Variants in SPIB observed in about 807,000 individuals in gnomAD.
The protein encoded by SPIB is Spi-B transcription factor, also known as transcription factor Spi-B.
In SPIB, 7 loss-of-function variants were observed where a neutral mutation model predicts 31.9. That is an observed-to-expected ratio of 0.22 (90% CI 0.12 to 0.41). The LOEUF is 0.41. SPIB is among the 10% of genes least tolerant of loss of function. The probability of loss-of-function intolerance (pLI) is 1.00; values close to 1 mark genes in which losing one functional copy is unlikely to be tolerated. For synonymous variants in SPIB, 176 were observed against 158.9 expected (o/e 1.11, Z -0.81); for missense variants, 327 against 360.2 (o/e 0.91, Z 0.75).
At chr19:50,427,863 C>CA (rs2039585850) in intron 5 of SPIB, among the ~76,000 whole-genome samples, 175 bp from the exon 6 acceptor site, 1 of 102,496 alleles carries the variant, frequency 9.8e-6, no homozygotes, top group South Asian at 4.7e-4. Flanking sequence ...GGCTTGCCCC[C>CA]CCCCCCCCCC....
chr19:50,421,362 C>CA (rs2039491205), intron 2 of SPIB, among the ~76,000 whole-genome samples: 1 of 151,816 alleles, frequency 6.6e-6, no homozygotes, highest in Non-Finnish European at 1.5e-5. Context: ...TTTGCTCTGT[C>CA]GCCGGGCTGG....
intron 2 of SPIB, among the ~76,000 whole-genome samples, chr19:50,420,375 C>T (rs1031250817): frequency 6.6e-6 from 1 of 152,030 alleles, no homozygotes; most frequent in African/African-American, 2.4e-5. Flanking sequence ...CTGTTTATGC[C>T]CCTCCACATT....
chr19:50,422,860 A>G lies in SPIB; in HGVS notation c.162A>G (p.Pro54=). 6.2e-7 allele frequency: 1 copy of G among 1,604,078 alleles called. No homozygotes were observed. Among genetic ancestry groups the G allele is most frequent in the Non-Finnish European group, 8.5e-7 (1 of 1,175,058 alleles). ...ACTGGACTGTGGCCCCACCTGTCCC[A>G]GCCACCCCCTATGAAGCCTTCGACC... ...LWDWTVAPPV[P]ATPYEAFDPA... is the part of the protein sequence containing the mutation. The change falls in exon 4 of 6, where the codon CCA becomes CCG. Residue 54 remains proline (P), a synonymous_variant. Coordinates refer to ENST00000595883, the MANE Select transcript of SPIB (RefSeq NM_003121.5).
chr19:50,421,462 A>G lies in SPIB; in HGVS notation c.52-1011A>G, dbSNP rs376459143. 4.6e-5 allele frequency among the ~76,000 whole-genome samples: 7 copies of G among 151,866 alleles called. No individual in the cohort carries two copies. In the South Asian group the frequency reaches 1.0e-3, roughly 23 times the overall value. On this transcript the variant is annotated intron_variant, in intron 2 of 5. Transcript: ENST00000595883. The stretch of plus-strand genomic sequence containing the variant: ...CTCAGCCTCCCAAGTAGCTGGGACT[A>G]CAGGTGCGCACCACCATGCCTGGCT...
chr19:50,422,418 T>C, intron 2 of SPIB, 55 bp from the exon 3 acceptor site: 12 of 1,557,186 alleles, frequency 7.7e-6, no homozygotes, highest in Non-Finnish European at 8.8e-6. Context: ...AGGGTGGGGG[T>C]TGGGAGTCCC....
In SPIB at chr19:50,421,906, C is replaced by T. The variant is rs144719363; in HGVS notation, c.52-567C>T. ...CTAGGATTACAGGCGTGCGCCACCA[C>T]GCCTAGCTAATTTTTGTATTTTTAG... On this transcript the variant is annotated intron_variant, in intron 2 of 5. Transcript: ENST00000595883. Among the ~76,000 whole-genome samples the T allele has an allele frequency of 9.3e-4, 141 of 152,122 alleles. 1 individual carries two copies. In the South Asian group the frequency reaches 0.013, roughly 14 times the overall value.
intron 5 of SPIB, among the ~76,000 whole-genome samples, chr19:50,425,779 A>G (rs961313077): frequency 1.3e-5 from 2 of 152,200 alleles, no homozygotes; most frequent in Non-Finnish European, 2.9e-5. Flanking sequence ...GTCCTGGGGC[A>G]TACATGGCAC....
At position 50,421,355 on chromosome 19, in the gene SPIB, G is replaced by A. The variant is rs186822733; in HGVS notation, c.52-1118G>A. Among the ~76,000 whole-genome samples, 183 of 152,170 alleles carry A rather than the reference G, an allele frequency of 1.2e-3. 1 individual carries two copies. The highest frequency in any genetic ancestry group is 2.3e-3 in the Non-Finnish European group (156 of 68,000). On this transcript the variant is annotated intron_variant, in intron 2 of 5. Coordinates refer to ENST00000595883, the MANE Select transcript of SPIB (RefSeq NM_003121.5). ...TATTTATTTATTGAGACAGAGTTTT[G>A]CTCTGTCGCCGGGCTGGAGTACAGT...
At position 50,427,758 on chromosome 19, in the gene SPIB, G is replaced by C. The variant is rs112787272; in HGVS notation, c.491-280G>C. Among the ~76,000 whole-genome samples the C allele has an allele frequency of 0.023, 3,510 of 152,326 alleles. 135 individuals carry two copies. The highest frequency in any genetic ancestry group is 0.078 in the African/African-American group (3,243 of 41,566). ...AACAAATATGGAATATTACGTGCTGGCCGCAGGGCGGAAGGCAGGACAGAT... is the reference window on the plus strand; with the variant it reads ...AACAAATATGGAATATTACGTGCTGCCCGCAGGGCGGAAGGCAGGACAGAT... On this transcript the variant is annotated intron_variant, in intron 5 of 5. Coordinates refer to ENST00000595883, the MANE Select transcript of SPIB (RefSeq NM_003121.5).
Position 50,419,948 on chromosome 19 carries a change from T to C in SPIB, c.26T>C (p.Leu9Pro). 6.5e-7 allele frequency: 1 copy of C among 1,527,128 alleles called. No homozygotes were observed. The highest frequency in any genetic ancestry group is 2.4e-5 in the Admixed American group (1 of 42,158). 94.6% of individuals were successfully genotyped at this position (1,527,128 alleles called of 1,614,324 possible). A position where few individuals can be genotyped will look rare whatever the true frequency, so the allele number is the denominator to read the frequency against. The change falls in exon 2 of 6, where the codon CTC becomes CCC. Residue 9 changes from leucine (L) to proline (P), a missense_variant and splice_region_variant. Leu to Pro is a moderately conservative substitution (Grantham distance 98, BLOSUM62 -3). Transcript: ENST00000595883. MLALEAAQ[L>P]DGPHFSCLYP... ...CCCCTGTGTCTCTCCCCCTCCAGGC[T>C]CGACGGGCCACACTTCAGCTGTCTG...
chr19:50,428,019 G>GC lies in SPIB; in HGVS notation c.491-14dup. ...CTTAGGGACCCCTCACCTAACGCGT[G>GC]CCCCCGACCCCACCGCAGGGACTCG... On this transcript the variant is annotated intron_variant, in intron 5 of 5. Transcript: ENST00000595883. This position sits in a 1 kb window ranked among gnomAD's most constrained non-coding sequence, Gnocchi z 6.5. 1 of 1,483,982 alleles carries GC rather than the reference G, an allele frequency of 6.7e-7. No homozygotes were observed. The highest frequency in any genetic ancestry group is 9.0e-7 in the Non-Finnish European group (1 of 1,110,522). 91.9% of individuals were successfully genotyped at this position (1,483,982 alleles called of 1,614,324 possible).
chr19:50,424,953 C>T (rs977588678), intron 5 of SPIB, among the ~76,000 whole-genome samples: 10 of 52,674 alleles, frequency 1.9e-4, no homozygotes, highest in African/African-American at 3.4e-4. Flanking sequence ...AGCAAGACTC[C>T]GTCTCAAAAA....
intron 3 of SPIB, 91 bp downstream of exon 3, chr19:50,422,636 A>G: frequency 1.4e-6 from 2 of 1,434,986 alleles, no homozygotes; most frequent in Non-Finnish European, 1.9e-6. Flanking sequence ...TTCCTAGCAC[A>G]ACAGGATAAA....
chr19:50,422,039 C>A (rs2039501817), intron 2 of SPIB, among the ~76,000 whole-genome samples: 1 of 152,262 alleles, frequency 6.6e-6, no homozygotes, highest in South Asian at 2.1e-4. Flanking sequence ...CGTGAGCCAC[C>A]ACGCCTGGCC....
chr19:50,427,895 G>A, intron 5 of SPIB, 143 bp from the exon 6 acceptor site: 1 of 653,822 alleles, frequency 1.5e-6, no homozygotes. Context: ...CGCAGAGCCA[G>A]GTGTATGTAA....
intron 3 of SPIB, 76 bp downstream of exon 3, chr19:50,422,621 G>T: frequency 6.6e-7 from 1 of 1,513,030 alleles, no homozygotes; most frequent in Non-Finnish European, 9.1e-7. Flanking sequence ...CCCAGGGGAG[G>T]TCATTTCCTA....
At chr19:50,421,647 C>T (rs2039496263) in intron 2 of SPIB, among the ~76,000 whole-genome samples, 1 of 149,926 alleles carries the variant, frequency 6.7e-6, no homozygotes, top group African/African-American at 2.5e-5. Context: ...CAGAGTCTCA[C>T]TCTGTCACCC....
At chr19:50,419,919 CAT>C in intron 1 of SPIB, 25 bp from the exon 2 acceptor site, 1 of 1,541,106 alleles carries the variant, frequency 6.5e-7, no homozygotes, top group Non-Finnish European at 8.7e-7. Flanking sequence ...GCAGCCTCAG[CAT>C]GCCCCTGTGT....
rs1300506325 is a variant in SPIB, at chr19:50,428,789, G to A, written c.*453G>A. 1.8e-5 allele frequency: 3 copies of A among 168,370 alleles called. 1 individual carries two copies. The highest frequency in any genetic ancestry group is 3.8e-5 in the Non-Finnish European group (3 of 79,420). The allele number at this position is 168,370 out of a possible 1,614,324, so 10.4% of individuals were successfully genotyped here. Reference sequence around the variant, plus strand: ...GCTGGCAACCCTGAGCCCTGTCCAAGGTTCCCTCTTGTCAGATCTGAGATT... The same window carrying A: ...GCTGGCAACCCTGAGCCCTGTCCAAAGTTCCCTCTTGTCAGATCTGAGATT... On this transcript the variant is annotated 3_prime_UTR_variant, in exon 6 of 6. Coordinates refer to ENST00000595883, the MANE Select transcript of SPIB (RefSeq NM_003121.5). The surrounding 1 kb of genome is among the most constrained non-coding windows in gnomAD (Gnocchi z 6.5).
Sources: allele counts gnomAD v4.1 joint callset (sites outside exome capture counted in the v4.1 genomes callset), GRCh38; gene constraint gnomAD v4.1.1; non-coding constraint Gnocchi (gnomAD v3.1); transcripts MANE v1.5; gene names NCBI Gene and HGNC (gene_info 2026-07-23, HGNC 2026-07-21).